The following PPP1R36 variants were observed in gnomAD, a reference collection of about 807,000 sequenced individuals.
PPP1R36 encodes the protein chromosome 14 open reading frame 50.
In PPP1R36, 47 loss-of-function variants were observed where a neutral mutation model predicts 53.4. That is an observed-to-expected ratio of 0.88 (90% CI 0.70 to 1.12). The LOEUF is 1.12. Among genes scored for constraint, PPP1R36 ranks in the 50% most tolerant of loss-of-function variants. The pLI, the probability that PPP1R36 is intolerant of heterozygous loss-of-function variation, is 0.00. For missense variants in PPP1R36, 456 were observed against 513.9 expected (o/e 0.89, Z 1.09); for synonymous variants, 153 against 170.5 (o/e 0.90, Z 0.80).
In PPP1R36 at chr14:64,563,155, C is replaced by T. The variant is rs558446979; in HGVS notation, c.183-1596C>T. Among the ~76,000 whole-genome samples the T allele has an allele frequency of 5.0e-4, 76 of 152,180 alleles. No individual in the cohort carries two copies. In the East Asian group the frequency reaches 0.011, roughly 21 times the overall value. On this transcript the variant is annotated intron_variant, in intron 3 of 11. Transcript: ENST00000298705. Reference sequence around the variant, plus strand: ...TGTTGGGATTGCAGGCGAGAGCCACCGTGCCCGGCCTCACTTTTTTATTTT... The same window carrying T: ...TGTTGGGATTGCAGGCGAGAGCCACTGTGCCCGGCCTCACTTTTTTATTTT...
At chr14:64,575,503 TTATAA>T (rs2080334812) in intron 8 of PPP1R36, among the ~76,000 whole-genome samples, 2 of 152,250 alleles carry the variant, frequency 1.3e-5, no homozygotes, top group Admixed American at 1.3e-4. Context: ...TTTTTGTGTG[TTATAA>T]TATTTCTGCA....
chr14:64,587,296 T>A lies in PPP1R36; in HGVS notation c.814T>A (p.Phe272Ile). ...AGGGAGACTCTTTCGTACCAATATGTTCAACATTCCTCGCAGGAGGCGTGA... is the reference window on the plus strand; with the variant it reads ...AGGGAGACTCTTTCGTACCAATATGATCAACATTCCTCGCAGGAGGCGTGA... The part of the protein sequence containing the change: ...EVGRLFRTNM[F>I]NIPRRRREDE... Residue 272 changes from phenylalanine to isoleucine, a missense_variant, in exon 10 of 12, where the codon TTC becomes ATC. Coordinates refer to ENST00000298705, the MANE Select transcript of PPP1R36 (RefSeq NM_172365.3). 2 of 1,613,888 alleles carry A rather than the reference T, an allele frequency of 1.2e-6. No individual in the cohort carries two copies. The highest frequency in any genetic ancestry group is 1.7e-6 in the Non-Finnish European group (2 of 1,179,824).
chr14:64,552,137 T>TCTGACTTGGGTGATCAGGTGG lies in PPP1R36; in HGVS notation c.135-673_135-653dup, dbSNP rs573290087. Among the ~76,000 whole-genome samples the TCTGACTTGGGTGATCAGGTGG allele has an allele frequency of 4.8e-3, 730 of 152,290 alleles. 5 individuals are homozygous for TCTGACTTGGGTGATCAGGTGG. Among genetic ancestry groups the TCTGACTTGGGTGATCAGGTGG allele is most frequent in the African/African-American group, 0.017 (701 of 41,542 alleles). On this transcript the variant is annotated intron_variant, in intron 2 of 11. Transcript: ENST00000298705. ...AGTTGTTTAGATTGGCTCCTAGGTGTCTGACTTGGGTGATCAGGTGGCTGG... is the reference window on the plus strand; with the variant it reads ...AGTTGTTTAGATTGGCTCCTAGGTGTCTGACTTGGGTGATCAGGTGGCTGACTTGGGTGATCAGGTGGCTGG...
chr14:64,588,001 C>T, intron 10 of PPP1R36, 103 bp from the exon 11 acceptor site: 3 of 1,140,824 alleles, frequency 2.6e-6, no homozygotes, highest in Non-Finnish European at 2.5e-6. Flanking sequence ...GCCTTGATCT[C>T]CCAAAGGGTT....
intron 3 of PPP1R36, among the ~76,000 whole-genome samples, chr14:64,555,470 A>G (rs2080141622): frequency 6.6e-6 from 1 of 152,262 alleles, no homozygotes; most frequent in African/African-American, 2.4e-5. Flanking sequence ...GTGGAAAAGC[A>G]GTCAGATTTG....
chr14:64,575,213 GT>G (rs1187704579), intron 8 of PPP1R36, among the ~76,000 whole-genome samples: 46 of 152,098 alleles, frequency 3.0e-4, no homozygotes, highest in Admixed American at 2.8e-3. Context: ...AGCCAGAACA[GT>G]TTTTTTCCCC....
chr14:64,550,343 T>C (rs1048768697), intron 1 of PPP1R36: 2 of 1,150,044 alleles, frequency 1.7e-6, no homozygotes, highest in Non-Finnish European at 2.2e-6. Context: ...GGTTGCAAAA[T>C]AGGGAGACCT....
chr14:64,559,339 T>C (rs1296880666), intron 3 of PPP1R36: 2 of 152,392 alleles, frequency 1.3e-5, no homozygotes, highest in Non-Finnish European at 2.9e-5. Flanking sequence ...TCCCTGGGAT[T>C]GCTGCTCTGC....
chr14:64,562,431 A>G (rs2080212675), intron 3 of PPP1R36, among the ~76,000 whole-genome samples: 1 of 152,100 alleles, frequency 6.6e-6, no homozygotes, highest in Admixed American at 6.6e-5. Flanking sequence ...ACTCCAGCCT[A>G]GGTGACAGAG....
At position 64,550,929 on chromosome 14, in the gene PPP1R36, AT is replaced by A; in HGVS notation, c.80del (p.Leu27TyrfsTer3). 6.2e-7 allele frequency: 1 copy of A among 1,607,908 alleles called. No homozygotes were observed. The highest frequency in any genetic ancestry group is 8.5e-7 in the Non-Finnish European group (1 of 1,177,740). ...QTPYLMDQLGLRLGMWYWKDE... is the reference protein window; with the variant it reads ...QTPYLMDQLGXRLGMWYWKDE... ...ATCATTTCGTTTTACAGCAGTTGGG[AT>A]TACGATTAGGGATGTGGTACTGGAA... On this transcript the variant is annotated frameshift_variant, in exon 2 of 12. Coordinates refer to ENST00000298705, the MANE Select transcript of PPP1R36 (RefSeq NM_172365.3). LOFTEE classifies it high-confidence loss of function.
chr14:64,566,128 C>T (rs376150626), intron 6 of PPP1R36, among the ~76,000 whole-genome samples: 16 of 151,972 alleles, frequency 1.1e-4, no homozygotes, highest in African/African-American at 2.4e-4. Flanking sequence ...ATTAGCTGGG[C>T]GTGGTGGTGG....
At chr14:64,571,452 A>G (rs558323042) in intron 7 of PPP1R36, among the ~76,000 whole-genome samples, 5 of 152,142 alleles carry the variant, frequency 3.3e-5, no homozygotes, top group Admixed American at 3.3e-4. Flanking sequence ...ACATAATATC[A>G]TATGTACTTT....
intron 7 of PPP1R36, among the ~76,000 whole-genome samples, chr14:64,572,291 C>T (rs1022219722): frequency 7.2e-5 from 11 of 152,068 alleles, no homozygotes; most frequent in African/African-American, 1.4e-4. Flanking sequence ...AATGCATAAG[C>T]GCATCCGTTT....
chr14:64,551,078 C>G (rs1207532375), intron 2 of PPP1R36, 93 bp downstream of exon 2: 1 of 769,122 alleles, frequency 1.3e-6, no homozygotes, highest in Non-Finnish European at 2.1e-6. Flanking sequence ...GAATAAATAC[C>G]CACTGAACCT....
At chr14:64,553,177 A>C (rs2080111007) in intron 3 of PPP1R36, among the ~76,000 whole-genome samples, 1 of 151,780 alleles carries the variant, frequency 6.6e-6, no homozygotes, top group African/African-American at 2.4e-5. Context: ...CTGGTCTCGA[A>C]CTCCTGGGCC....
At position 64,552,851 on chromosome 14, in the gene PPP1R36, C is replaced by A. The variant is rs1262771621; in HGVS notation, c.172C>A (p.His58Asn). The A allele has an allele frequency of 1.2e-6, 2 of 1,613,558 alleles. No individual in the cohort carries two copies. The highest frequency in any genetic ancestry group is 8.5e-7 in the Non-Finnish European group (1 of 1,179,596). The change falls in exon 3 of 12, where the codon CAT becomes AAT. Residue 58 changes from histidine to asparagine, a missense_variant. By Grantham distance (68) the His-to-Asn change is moderately conservative. Coordinates refer to ENST00000298705, the MANE Select transcript of PPP1R36 (RefSeq NM_172365.3). ...AGATTCTGTCCAGTGGCTCCTGAAA[C>A]ATCACCCTCAGTGAGTGTGAGACAG... ...AEDSVQWLLKHHPHFTPAAEV... is the reference protein window; with the variant it reads ...AEDSVQWLLKNHPHFTPAAEV...
intron 3 of PPP1R36, among the ~76,000 whole-genome samples, chr14:64,555,341 C>T (rs542861239): frequency 1.3e-5 from 2 of 152,122 alleles, no homozygotes; most frequent in East Asian, 1.9e-4. Flanking sequence ...AGTTGTTAGC[C>T]GAAGATTCAA....
chr14:64,583,066 TA>T (rs2080401368), intron 8 of PPP1R36, among the ~76,000 whole-genome samples: 2 of 136,402 alleles, frequency 1.5e-5, no homozygotes, highest in African/African-American at 5.1e-5. Flanking sequence ...TATATATATA[TA>T]TATATATATT....
At chr14:64,564,669 CAAAG>C (rs988230017) in intron 3 of PPP1R36, 78 bp from the exon 4 acceptor site, 32 of 908,988 alleles carry the variant, frequency 3.5e-5, no homozygotes, top group Non-Finnish European at 5.5e-5. Flanking sequence ...TATGCTAGTC[CAAAG>C]ATTATGAGCT....
Sources: gnomAD v4.1 joint callset for allele counts (sites outside exome capture counted in the v4.1 genomes callset) on GRCh38, gnomAD v4.1.1 for gene constraint, MANE v1.5 for transcripts, NCBI Gene and HGNC (gene_info 2026-07-23, HGNC 2026-07-21) for gene names.